The following ADCY3 variants were observed in gnomAD, a reference collection of about 807,000 sequenced individuals.
ADCY3 encodes the protein adenylate cyclase type 3.
In ADCY3, 70 loss-of-function variants were observed where a neutral mutation model predicts 119.4. The observed-to-expected ratio is 0.59, with a 90% CI of 0.48 to 0.72. ADCY3 has a LOEUF of 0.72. Among genes scored for constraint, ADCY3 ranks in the 30% least tolerant of loss-of-function variants. The probability of loss-of-function intolerance (pLI) is 0.00; values close to 1 mark genes in which losing one functional copy is unlikely to be tolerated. For missense variants in ADCY3, 1,238 were observed against 1,541.6 expected (o/e 0.80, Z 3.30); for synonymous variants, 672 against 621.4 (o/e 1.08, Z -1.21).
rs1314145699 is a variant in ADCY3 at position 24,830,054 on chromosome 2, T to C, written c.2172+655A>G. ...GAGCAAGTGAATTACCTTTTTTTTTTTTTTTTGAGACGGAGTCTTGCTGTC... is the reference window on the plus strand; with the variant it reads ...GAGCAAGTGAATTACCTTTTTTTTTCTTTTTTGAGACGGAGTCTTGCTGTC... On this transcript the variant is annotated intron_variant, in intron 13 of 21. Coordinates refer to ENST00000679454, the MANE Select transcript of ADCY3 (RefSeq NM_004036.5). Among the ~76,000 whole-genome samples the C allele has an allele frequency of 4.5e-5, 4 of 89,862 alleles. No individual in the cohort carries two copies. In the Admixed American group the frequency reaches 5.2e-4, roughly 12 times the overall value. The allele number at this position is 89,862 out of a possible 152,430, so 59.0% of individuals were successfully genotyped here.
intron 18 of ADCY3, among the ~76,000 whole-genome samples, 157 bp downstream of exon 18, chr2:24,823,052 C>G (rs979165662): frequency 1.3e-5 from 2 of 152,210 alleles, no homozygotes; most frequent in Non-Finnish European, 2.9e-5. Context: ...CCTTCCCCAG[C>G]CCAGCAGTTC....
intron 17 of ADCY3, 23 bp from the exon 18 acceptor site, chr2:24,823,378 T>A (rs1305212188): frequency 5.0e-6 from 8 of 1,607,848 alleles, no homozygotes; most frequent in Non-Finnish European, 6.8e-6. Context: ...GCGGACAACG[T>A]GCTCAAAGCA....
At chr2:24,823,023 G>A (rs966693517) in intron 18 of ADCY3, among the ~76,000 whole-genome samples, 186 bp downstream of exon 18, 4 of 152,104 alleles carry the variant, frequency 2.6e-5, no homozygotes, top group Admixed American at 1.3e-4. Flanking sequence ...GTGATTTCCC[G>A]GGCTCCCACC....
At chr2:24,852,729 G>A (rs1672478097) in intron 3 of ADCY3, among the ~76,000 whole-genome samples, 1 of 152,256 alleles carries the variant, frequency 6.6e-6, no homozygotes, top group African/African-American at 2.4e-5. Flanking sequence ...GCTGCCCGAG[G>A]ACCCGAGCTG....
intron 2 of ADCY3, among the ~76,000 whole-genome samples, chr2:24,891,058 T>C (rs532536049): frequency 1.3e-5 from 2 of 152,134 alleles, no homozygotes; most frequent in East Asian, 1.9e-4. Context: ...TTAGTAGAGA[T>C]GGGGTTTCGC....
At chr2:24,838,684 A>G (rs1670614821) in intron 7 of ADCY3, 62 bp from the exon 8 acceptor site, 1 of 1,605,286 alleles carries the variant, frequency 6.2e-7, no homozygotes, top group Non-Finnish European at 8.5e-7. Flanking sequence ...CCCCCAGGGG[A>G]CAGTCCACGG....
chr2:24,911,532 C>T (rs958236315), intron 2 of ADCY3, among the ~76,000 whole-genome samples: 2 of 151,292 alleles, frequency 1.3e-5, no homozygotes, highest in African/African-American at 2.4e-5. Flanking sequence ...TGCCTGAAAT[C>T]CCAGCTACTT....
chr2:24,894,495 T>G (rs1308046873), intron 2 of ADCY3, among the ~76,000 whole-genome samples: 1 of 152,092 alleles, frequency 6.6e-6, no homozygotes. Context: ...TAACAATAAA[T>G]AAAGATAAAT....
chr2:24,918,975 G>C lies in ADCY3; in HGVS notation c.13C>G (p.Gln5Glu), dbSNP rs766538269. 6 of 1,579,778 alleles carry C rather than the reference G, an allele frequency of 3.8e-6. No homozygotes were observed. Among genetic ancestry groups the C allele is most frequent in the Non-Finnish European group, 5.1e-6 (6 of 1,166,506 alleles). Residue 5 changes from glutamine to glutamate, a missense_variant, in exon 2 of 22, where the codon CAG (glutamine) becomes GAG (glutamate). Gln to Glu is a conservative substitution (Grantham distance 29). Transcript: ENST00000679454. The surrounding 1 kb of genome is among the most constrained non-coding windows in gnomAD (Gnocchi z 5.4). ...GAGTATTCGGGCTCGGAGAAGCCCTGGTTCCTCGGCATACTGGCTGGTGTC... is the reference window on the plus strand; with the variant it reads ...GAGTATTCGGGCTCGGAGAAGCCCTCGTTCCTCGGCATACTGGCTGGTGTC... MPRN[Q>E]GFSEPEYSAE...
intron 2 of ADCY3, among the ~76,000 whole-genome samples, chr2:24,884,585 T>C (rs1425738147): frequency 6.6e-6 from 1 of 151,214 alleles, no homozygotes; most frequent in Non-Finnish European, 1.5e-5. Flanking sequence ...AAGCGATTCT[T>C]CTGCCTCAGC....
intron 2 of ADCY3, among the ~76,000 whole-genome samples, chr2:24,893,688 C>T (rs550623023): frequency 3.3e-5 from 5 of 151,902 alleles, no homozygotes; most frequent in African/African-American, 9.7e-5. Context: ...ACTGCAGCTT[C>T]GACCTCTCAG....
At chr2:24,829,078 G>A (rs1181137531) in intron 13 of ADCY3, among the ~76,000 whole-genome samples, 9 of 151,562 alleles carry the variant, frequency 5.9e-5, no homozygotes, top group Non-Finnish European at 1.0e-4. Context: ...GTGCAGTGGT[G>A]CATTCTTGGC....
At chr2:24,824,320 G>A (rs966723019) in intron 17 of ADCY3, 58 bp downstream of exon 17, 30 of 1,588,616 alleles carry the variant, frequency 1.9e-5, no homozygotes, top group Middle Eastern at 1.9e-4. Context: ...CTGCCTGAAA[G>A]AAAGAACAGA....
intron 2 of ADCY3, among the ~76,000 whole-genome samples, chr2:24,879,227 CT>C (rs374399294): frequency 0.015 from 2,219 of 152,192 alleles, 40 homozygotes; most frequent in African/African-American, 0.045. Context: ...AATCCCAGCA[CT>C]TTGGGAGGCC....
At chr2:24,907,625 G>A (rs2149031803) in intron 2 of ADCY3, among the ~76,000 whole-genome samples, 1 of 152,282 alleles carries the variant, frequency 6.6e-6, no homozygotes, top group South Asian at 2.1e-4. Flanking sequence ...GAGGGGAAAG[G>A]AGAGAGGGGA....
Position 24,918,647 on chromosome 2 carries a change from C to A in ADCY3, c.341G>T (p.Gly114Val), listed in dbSNP as rs1025006818. The A allele has an allele frequency of 3.7e-6, 6 of 1,614,128 alleles. No homozygotes were observed. The highest frequency in any genetic ancestry group is 1.7e-6 in the Non-Finnish European group (2 of 1,180,028). The change falls in exon 2 of 22, where the codon GGA (glycine) becomes GTA (valine). Residue 114 changes from glycine (G) to valine (V), a missense_variant. By Grantham distance (109) the Gly-to-Val change is moderately radical. Around this residue, in one of 7 missense-constraint regions of ADCY3, gnomAD observed 227 missense variants for 249.3 expected, o/e 0.91. Transcript: ENST00000679454. This position sits in a 1 kb window ranked among gnomAD's most constrained non-coding sequence, Gnocchi z 5.4. ...KLASLAVAGIGLVLDIILFVL... is the reference protein window; with the variant it reads ...KLASLAVAGIVLVLDIILFVL... Reference sequence around the variant, plus strand: ...GAAGAGGATGATGTCCAACACCAGTCCAATTCCAGCCACGGCGAGGGAAGC... The same window carrying A: ...GAAGAGGATGATGTCCAACACCAGTACAATTCCAGCCACGGCGAGGGAAGC...
intron 2 of ADCY3, among the ~76,000 whole-genome samples, chr2:24,881,086 C>T (rs542000201): frequency 6.6e-6 from 1 of 152,180 alleles, no homozygotes; most frequent in African/African-American, 2.4e-5. Context: ...AAAAAGACTT[C>T]AGCATCTATA....
rs190125602 is a variant in ADCY3 at position 24,827,948 on chromosome 2, G to T, written c.2386C>A (p.Arg796Ser). Residue 796 changes from arginine (R) to serine (S), a missense_variant, in exon 14 of 22, where the codon CGT (arginine) becomes AGT (serine). Physicochemically the swap from Arg to Ser is moderately radical, Grantham distance 110. Coordinates refer to ENST00000679454, the MANE Select transcript of ADCY3 (RefSeq NM_004036.5). ...AVATINLYAW[R>S]PVFDEYDHKR... is the part of the protein sequence containing the mutation. ...TGGTCGTATTCATCAAAGACGGGAC[G>T]CCAGGCATAGAGGTTGATGGTGGCC... 6.2e-7 allele frequency: 1 copy of T among 1,614,122 alleles called. No individual in the cohort carries two copies. Among genetic ancestry groups the T allele is most frequent in the African/African-American group, 1.3e-5 (1 of 74,950 alleles).
intron 2 of ADCY3, among the ~76,000 whole-genome samples, chr2:24,909,531 T>A (rs1208617749): frequency 1.3e-5 from 2 of 152,124 alleles, no homozygotes; most frequent in Non-Finnish European, 2.9e-5. Context: ...CAAGGCAAAG[T>A]CTATACAGAT....
Sources: allele counts gnomAD v4.1 joint callset (sites outside exome capture counted in the v4.1 genomes callset), GRCh38; gene constraint gnomAD v4.1.1; regional missense constraint gnomAD v4.1.1; non-coding constraint Gnocchi (gnomAD v3.1); transcripts MANE v1.5; gene names NCBI Gene and HGNC (gene_info 2026-07-23, HGNC 2026-07-21).